The following NRXN1 variants were observed in gnomAD, a reference collection of about 807,000 sequenced individuals.
NRXN1 encodes the protein neurexin-1.
A neutral mutation model predicts 150.9 loss-of-function variants in NRXN1; 39 were observed. The ratio of observed to expected loss-of-function variants is 0.26; its 90% CI spans 0.20 to 0.34. The LOEUF is 0.34. Among genes scored for constraint, NRXN1 ranks in the 10% least tolerant of loss-of-function variants. The pLI is 1.00. For synonymous variants in NRXN1, 924 were observed against 757.0 expected, an observed-to-expected ratio of 1.22 and a Z score of -3.62; for missense variants, 1,815 against 1,949.9, an observed-to-expected ratio of 0.93 and a Z score of 1.30.
rs35880757 is a variant in NRXN1, at chr2:50,400,940, T to A, written c.3364+64502A>T. Among the ~76,000 whole-genome samples the A allele has an allele frequency of 7.3e-3, 1,117 of 152,276 alleles. 14 individuals carry two copies. The highest frequency in any genetic ancestry group is 8.7e-3 in the Non-Finnish European group (595 of 68,008). ...CAAGATATATCTATTCATGTCATAGTGCTGTGTGATCACCTTAATGCAAAA... is the reference window on the plus strand; with the variant it reads ...CAAGATATATCTATTCATGTCATAGAGCTGTGTGATCACCTTAATGCAAAA... On this transcript the variant is annotated intron_variant, in intron 17 of 22. Transcript: ENST00000401669.
At position 50,414,512 on chromosome 2, in the gene NRXN1, G is replaced by GT. The variant is rs568408527; in HGVS notation, c.3364+50929dup. On this transcript the variant is annotated intron_variant, in intron 17 of 22. Transcript: ENST00000401669. Reference sequence around the variant, plus strand: ...CTTTTGGGAATATTTTTTGAAAGATGTTTTTTTAATAAAAAACAAACAAGA... The same window carrying GT: ...CTTTTGGGAATATTTTTTGAAAGATGTTTTTTTTAATAAAAAACAAACAAGA... 1.3e-4 allele frequency among the ~76,000 whole-genome samples: 19 copies of GT among 151,516 alleles called. 1 individual carries two copies. The highest frequency in any genetic ancestry group is 4.6e-4 in the African/African-American group (19 of 41,324).
At chr2:50,169,708 T>A in intron 18 of NRXN1, among the ~76,000 whole-genome samples, 1 of 79,712 alleles carries the variant, frequency 1.3e-5, no homozygotes. Flanking sequence ...CAAGCTTCCA[T>A]CTCAAAAAAA....
In NRXN1 at chr2:49,998,134, C is replaced by T. The variant is rs534023313; in HGVS notation, c.4129-54343G>A. Among the ~76,000 whole-genome samples the T allele has an allele frequency of 8.5e-5, 13 of 152,136 alleles. No individual in the cohort carries two copies. The East Asian group carries it at 2.5e-3, about 29-fold the overall frequency. Reference sequence around the variant, plus strand: ...GCATGCTTTTATCCCAAAGTGAAAACCATAGAGGTCAAAAATATGAGTTAA... The same window carrying T: ...GCATGCTTTTATCCCAAAGTGAAAATCATAGAGGTCAAAAATATGAGTTAA... On this transcript the variant is annotated intron_variant, in intron 21 of 22. Coordinates refer to ENST00000401669, the MANE Select transcript of NRXN1 (RefSeq NM_001330078.2).
intron 17 of NRXN1, among the ~76,000 whole-genome samples, chr2:50,360,066 T>C (rs1239179483): frequency 1.3e-5 from 2 of 152,186 alleles, no homozygotes; most frequent in African/African-American, 2.4e-5. Context: ...CTGAGGGATT[T>C]TGTCACCACC....
chr2:50,134,907 G>C (rs560935862), intron 18 of NRXN1, among the ~76,000 whole-genome samples: 1 of 152,306 alleles, frequency 6.6e-6, no homozygotes, highest in Admixed American at 6.5e-5. Context: ...CTCCAGCAGA[G>C]ATGGATGTCT....
At chr2:50,667,730 C>T (rs1257401415) in intron 5 of NRXN1, among the ~76,000 whole-genome samples, 1 of 151,932 alleles carries the variant, frequency 6.6e-6, no homozygotes, top group African/African-American at 2.4e-5. Flanking sequence ...CCCTTCTTAT[C>T]TTTACCACCT....
At chr2:50,129,495 AATT>A (rs1358556688) in intron 18 of NRXN1, among the ~76,000 whole-genome samples, 1 of 152,196 alleles carries the variant, frequency 6.6e-6, no homozygotes, top group Non-Finnish European at 1.5e-5. Context: ...TTAATAAAAT[AATT>A]ATCAGATATC....
At chr2:50,964,849 G>A (rs975459816) in intron 2 of NRXN1, among the ~76,000 whole-genome samples, 2 of 151,404 alleles carry the variant, frequency 1.3e-5, no homozygotes, top group African/African-American at 2.4e-5. Flanking sequence ...TCCCATTGAT[G>A]CTTGTCTGAG....
chr2:50,244,884 A>C (rs151225310), intron 17 of NRXN1, among the ~76,000 whole-genome samples: 3,504 of 152,002 alleles, frequency 0.023, 73 homozygotes, highest in Non-Finnish European at 0.034. Context: ...GAAGGTGATA[A>C]TATTAAAAGC....
At chr2:50,127,887 A>G (rs72878159) in intron 18 of NRXN1, among the ~76,000 whole-genome samples, 42,021 of 152,094 alleles carry the variant, frequency 0.28, 6,282 homozygotes, top group Admixed American at 0.41. Context: ...TTTTCGGCTT[A>G]GCCTGATGGC....
chr2:50,531,580 C>A (rs2093114198), intron 10 of NRXN1, 150 bp from the exon 11 acceptor site: 2 of 675,626 alleles, frequency 3.0e-6, no homozygotes, highest in Non-Finnish European at 2.5e-6. Flanking sequence ...ATAAACAAAA[C>A]TGTGAGCTGG....
At chr2:50,222,700 T>A (rs2063991625) in intron 18 of NRXN1, among the ~76,000 whole-genome samples, 1 of 151,888 alleles carries the variant, frequency 6.6e-6, no homozygotes, top group South Asian at 2.1e-4. Context: ...TGAGATCATA[T>A]GCTCTAAAAT....
At chr2:50,322,046 A>C (rs1334991196) in intron 17 of NRXN1, among the ~76,000 whole-genome samples, 3 of 151,926 alleles carry the variant, frequency 2.0e-5, no homozygotes, top group Admixed American at 6.6e-5. Context: ...AAAAAAAAAA[A>C]AAAAAACAGT....
chr2:50,658,940 T>C (rs1346338693), intron 5 of NRXN1, among the ~76,000 whole-genome samples: 1 of 152,004 alleles, frequency 6.6e-6, no homozygotes, highest in African/African-American at 2.4e-5. Context: ...ATACTTTGGG[T>C]AGGCATAGGT....
At chr2:50,265,965 G>GTTATTATTA (rs757745541) in intron 17 of NRXN1, among the ~76,000 whole-genome samples, 690 of 132,358 alleles carry the variant, frequency 5.2e-3, no homozygotes, top group South Asian at 0.011. Flanking sequence ...TTATTTCTTT[G>GTTATTATTA]TTATTATTAT....
At chr2:50,717,019 C>A (rs915467720) in intron 5 of NRXN1, among the ~76,000 whole-genome samples, 1 of 152,048 alleles carries the variant, frequency 6.6e-6, no homozygotes. Context: ...TGGAAAAAGT[C>A]CATTACCCAA....
At chr2:50,507,886 T>C (rs2092305750) in intron 12 of NRXN1, among the ~76,000 whole-genome samples, 1 of 151,932 alleles carries the variant, frequency 6.6e-6, no homozygotes, top group Non-Finnish European at 1.5e-5. Flanking sequence ...AGAATCAGGA[T>C]TGGAGTTCAC....
At chr2:50,703,246 C>A (rs1046342264) in intron 5 of NRXN1, among the ~76,000 whole-genome samples, 1 of 151,914 alleles carries the variant, frequency 6.6e-6, no homozygotes, top group African/African-American at 2.4e-5. Context: ...AATAGTGAGA[C>A]AGAATGAGGG....
intron 18 of NRXN1, among the ~76,000 whole-genome samples, chr2:50,096,269 C>T (rs1385664291): frequency 6.6e-6 from 1 of 152,060 alleles, no homozygotes; most frequent in Non-Finnish European, 1.5e-5. Flanking sequence ...TTAAAATACA[C>T]ATAAAGCACA....
Sources: allele counts gnomAD v4.1 joint callset (sites outside exome capture counted in the v4.1 genomes callset), GRCh38; gene constraint gnomAD v4.1.1; transcripts MANE v1.5; gene names NCBI Gene and HGNC (gene_info 2026-07-23, HGNC 2026-07-21).